CELSR1: variants seen among roughly 807,000 people sequenced by gnomAD.
The protein encoded by CELSR1 is cadherin EGF LAG seven-pass G-type receptor 1.
In CELSR1, 110 loss-of-function variants were observed where a neutral mutation model predicts 249.1. The observed-to-expected ratio is 0.44, with a 90% CI of 0.38 to 0.52. The LOEUF is 0.52. CELSR1 is among the 20% of genes least tolerant of loss of function. The pLI is 0.00. For synonymous variants in CELSR1, 2,113 were observed against 1,900.0 expected (o/e 1.11, Z -2.92); for missense variants, 4,109 against 4,296.4 (o/e 0.96, Z 1.22).
At chr22:46,481,103 T>TGGCGG (rs1194482850) in intron 1 of CELSR1, among the ~76,000 whole-genome samples, 1 of 152,016 alleles carries the variant, frequency 6.6e-6, no homozygotes, top group African/African-American at 2.4e-5. Context: ...GGCATGGTGG[T>TGGCGG]GCATGCCTGT....
chr22:46,361,546 G>GT lies in CELSR1; in HGVS notation c.*1676dup, dbSNP rs572242113. The GT allele has an allele frequency of 3.9e-5, 6 of 152,228 alleles. No individual in the cohort carries two copies. The highest frequency in any genetic ancestry group is 7.2e-5 in the African/African-American group (3 of 41,454). The allele number at this position is 152,228 out of a possible 1,614,324, so 9.4% of individuals were successfully genotyped here. ...GGGGCAAACGTTTAAAGGGACTAGA[G>GT]TTTTTTATCTTCGAAAGACCACTCA... On this transcript the variant is annotated 3_prime_UTR_variant, in exon 35 of 35. Transcript: ENST00000674500.
In CELSR1 at chr22:46,407,619, C is replaced by CA. The variant is rs1407450093; in HGVS notation, c.5226+1376dup. 4.0e-5 allele frequency among the ~76,000 whole-genome samples: 6 copies of CA among 151,590 alleles called. No individual in the cohort carries two copies. The highest frequency in any genetic ancestry group is 2.6e-4 in the Admixed American group (4 of 15,214). On this transcript the variant is annotated intron_variant, in intron 9 of 34. Coordinates refer to ENST00000674500, the MANE Select transcript of CELSR1 (RefSeq NM_001378328.1). The surrounding 1 kb of genome is among the most constrained non-coding windows in gnomAD (Gnocchi z 4.8). ...CGCACTCCAGCCTGGGCAACAAGAG[C>CA]AAAACTTTATCTCAAAAAAACAAAA...
At chr22:46,397,979 G>A (rs966756566) in intron 11 of CELSR1, 131 bp from the exon 12 acceptor site, 1 of 843,062 alleles carries the variant, frequency 1.2e-6, no homozygotes, top group Non-Finnish European at 1.7e-6. Flanking sequence ...CAGAGCTGGG[G>A]CGGGCAGGGT....
intron 24 of CELSR1, among the ~76,000 whole-genome samples, chr22:46,373,992 G>T (rs549736622): frequency 6.6e-6 from 1 of 152,196 alleles, no homozygotes; most frequent in South Asian, 2.1e-4. Flanking sequence ...AGCCTCGAAG[G>T]GCCAGCCACC....
intron 1 of CELSR1, among the ~76,000 whole-genome samples, chr22:46,482,082 A>G (rs2080272032): frequency 6.6e-6 from 1 of 152,180 alleles, no homozygotes; most frequent in African/African-American, 2.4e-5. Flanking sequence ...TGACTTTTAT[A>G]AATCTTGGCC....
At position 46,481,549 on chromosome 22, in the gene CELSR1, T is replaced by C. The variant is rs548951606; in HGVS notation, c.3545-17204A>G. On this transcript the variant is annotated intron_variant, in intron 1 of 34. Coordinates refer to ENST00000674500, the MANE Select transcript of CELSR1 (RefSeq NM_001378328.1). ...CTCCAGCTCACTGGTGATCAAAGCC[T>C]GGGCTTAAGCCAGAGGCACATGGTG... The C allele has an allele frequency of 8.4e-5, 105 of 1,244,448 alleles. 1 individual carries two copies. The African/African-American group carries it at 1.4e-3, about 16-fold the overall frequency. 77.1% of individuals were successfully genotyped at this position (1,244,448 alleles called of 1,614,324 possible).
chr22:46,499,367 A>C (rs1240029254), intron 1 of CELSR1, among the ~76,000 whole-genome samples: 2 of 152,140 alleles, frequency 1.3e-5, no homozygotes, highest in Non-Finnish European at 2.9e-5. Context: ...GAATCAGAGG[A>C]AGGTGAAAAT....
intron 1 of CELSR1, among the ~76,000 whole-genome samples, chr22:46,486,933 C>G (rs933004502): frequency 1.3e-5 from 2 of 152,130 alleles, no homozygotes; most frequent in African/African-American, 2.4e-5. Context: ...TCCCCCACCT[C>G]TCTCCAACAG....
intron 1 of CELSR1, among the ~76,000 whole-genome samples, chr22:46,529,703 T>C (rs1166035665): frequency 1.3e-5 from 2 of 151,666 alleles, no homozygotes; most frequent in African/African-American, 4.8e-5. Flanking sequence ...CTCAGGAGGC[T>C]GAGGTAGGAT....
At position 46,437,699 on chromosome 22, in the gene CELSR1, C is replaced by T. The variant is rs1043791626; in HGVS notation, c.4407-1410G>A. ...CTGGGAGGCGGAAGTTGCAGTGAGC[C>T]GAGATCATACCACCACTGCACTCCA... On this transcript the variant is annotated intron_variant, in intron 3 of 34. Transcript: ENST00000674500. This position sits in a 1 kb window ranked among gnomAD's most constrained non-coding sequence, Gnocchi z 4.9. Among the ~76,000 whole-genome samples, 5 of 149,834 alleles carry T rather than the reference C, an allele frequency of 3.3e-5. No individual in the cohort carries two copies. Among genetic ancestry groups the T allele is most frequent in the South Asian group, 2.1e-4 (1 of 4,732 alleles).
intron 4 of CELSR1, among the ~76,000 whole-genome samples, chr22:46,435,796 G>A (rs2079652410): frequency 6.6e-6 from 1 of 152,198 alleles, no homozygotes; most frequent in African/African-American, 2.4e-5. Flanking sequence ...TGCTTCCTGG[G>A]TTCAAGCAAT....
chr22:46,533,531 T>C (rs568544915), intron 1 of CELSR1, 96 bp downstream of exon 1: 15 of 1,479,896 alleles, frequency 1.0e-5, no homozygotes, highest in Middle Eastern at 1.9e-4. Flanking sequence ...CCGGCCCAAT[T>C]GCGCCCCGGC....
chr22:46,419,303 A>G (rs1412233348), intron 5 of CELSR1, among the ~76,000 whole-genome samples: 1 of 152,220 alleles, frequency 6.6e-6, no homozygotes, highest in Non-Finnish European at 1.5e-5. Context: ...CTTCTTGGAA[A>G]GCAACACGTT....
intron 1 of CELSR1, among the ~76,000 whole-genome samples, chr22:46,497,331 T>C (rs529149857): frequency 6.6e-6 from 1 of 152,378 alleles, no homozygotes; most frequent in South Asian, 2.1e-4. Context: ...TCCTTTTCAA[T>C]GTTTATAGCA....
Position 46,366,369 on chromosome 22 carries a change from C to A in CELSR1, c.8300+17G>T. On this transcript the variant is annotated intron_variant, in intron 30 of 34. Transcript: ENST00000674500. ...AGTTCGAGAGCCACCTCCCCGAACC[C>A]GGAGCTGCGGCCTGACCTGACGATG... 1 of 1,529,992 alleles carries A rather than the reference C, an allele frequency of 6.5e-7. No homozygotes were observed. The highest frequency in any genetic ancestry group is 8.8e-7 in the Non-Finnish European group (1 of 1,134,780). The allele number at this position is 1,529,992 out of a possible 1,614,324, so 94.8% of individuals were successfully genotyped here.
intron 1 of CELSR1, among the ~76,000 whole-genome samples, chr22:46,483,733 G>C (rs1184423080): frequency 6.6e-6 from 1 of 152,166 alleles, no homozygotes; most frequent in African/African-American, 2.4e-5. Context: ...GAAAGGCTCA[G>C]GAACTGTGCC....
Position 46,434,393 on chromosome 22 carries a change from C to A in CELSR1, c.4523-912G>T, listed in dbSNP as rs561464232. The stretch of plus-strand genomic sequence containing the variant: ...AGGACAGGTGCGGTGGGTACCAGGT[C>A]CCGGGCAGAGAATACCGTCTCCAGG... On this transcript the variant is annotated intron_variant, in intron 4 of 34. Coordinates refer to ENST00000674500, the MANE Select transcript of CELSR1 (RefSeq NM_001378328.1). This position sits in a 1 kb window ranked among gnomAD's most constrained non-coding sequence, Gnocchi z 4.9. Among the ~76,000 whole-genome samples the A allele has an allele frequency of 2.6e-5, 4 of 152,270 alleles. No individual in the cohort carries two copies. The South Asian group carries it at 8.3e-4, about 32-fold the overall frequency.
At chr22:46,444,789 G>C (rs1481904307) in intron 2 of CELSR1, among the ~76,000 whole-genome samples, 4 of 152,194 alleles carry the variant, frequency 2.6e-5, no homozygotes, top group Non-Finnish European at 4.4e-5. Context: ...GGAGGCTCCA[G>C]GGTGGATCTC....
rs879935950 is a variant in CELSR1 at position 46,407,910 on chromosome 22, C to T, written c.5226+1086G>A. On this transcript the variant is annotated intron_variant, in intron 9 of 34. Transcript: ENST00000674500. The surrounding 1 kb of genome is among the most constrained non-coding windows in gnomAD (Gnocchi z 4.8). The stretch of plus-strand genomic sequence containing the variant: ...GCCCGTGCCCCGCCATCACTACAGA[C>T]GAGAATGACCTTCAGATGCACAGGC... Among the ~76,000 whole-genome samples the T allele has an allele frequency of 4.6e-5, 7 of 152,190 alleles. No homozygotes were observed. The highest frequency in any genetic ancestry group is 2.0e-4 in the Admixed American group (3 of 15,284).
Sources: gnomAD v4.1 joint callset for allele counts (sites outside exome capture counted in the v4.1 genomes callset) on GRCh38, gnomAD v4.1.1 for gene constraint, Gnocchi (gnomAD v3.1) non-coding constraint, MANE v1.5 for transcripts, NCBI Gene and HGNC (gene_info 2026-07-23, HGNC 2026-07-21) for gene names.